The following LRP2 variants were observed in gnomAD, a reference collection of about 807,000 sequenced individuals.
LRP2 encodes LDL receptor related protein 2, also known as low-density lipoprotein receptor-related protein 2.
Under a neutral mutation model 531.0 loss-of-function variants are expected in LRP2, and 172 were observed. That is an observed-to-expected ratio of 0.32 (90% CI 0.29 to 0.37). LRP2 has a LOEUF of 0.37. Among genes scored for constraint, LRP2 ranks in the 10% least tolerant of loss-of-function variants. The pLI is 1.00. For missense variants in LRP2, 5,167 were observed against 5,868.3 expected (o/e 0.88, Z 3.90); for synonymous variants, 1,992 against 2,027.6 (o/e 0.98, Z 0.47).
chr2:169,215,313 T>C (rs1230908480), intron 35 of LRP2, among the ~76,000 whole-genome samples: 1 of 152,144 alleles, frequency 6.6e-6, no homozygotes, highest in Non-Finnish European at 1.5e-5. Flanking sequence ...GACTAGCATA[T>C]ATTCAGTTCA....
Position 169,207,155 on chromosome 2 carries a change from C to T in LRP2, c.6565G>A (p.Val2189Met). Residue 2189 changes from valine to methionine, a missense_variant, in exon 39 of 79, where the codon GTG (valine) becomes ATG (methionine). By Grantham distance (21) the Val-to-Met change is conservative. Transcript: ENST00000649046. ...TYRRVLLKVT[V>M]DMPRHIVVDP... is the part of the protein sequence containing the mutation. Reference sequence around the variant, plus strand: ...ACAACAATATGCCTAGGCATGTCCACTGTGACTTTAAGAAGAACACGGCGG... The same window carrying T: ...ACAACAATATGCCTAGGCATGTCCATTGTGACTTTAAGAAGAACACGGCGG... 6 of 1,613,378 alleles carry T rather than the reference C, an allele frequency of 3.7e-6. No homozygotes were observed. Among genetic ancestry groups the T allele is most frequent in the Non-Finnish European group, 5.1e-6 (6 of 1,179,716 alleles).
At chr2:169,345,843 C>T (rs1685683105) in intron 1 of LRP2, among the ~76,000 whole-genome samples, 2 of 150,692 alleles carry the variant, frequency 1.3e-5, no homozygotes, top group South Asian at 2.1e-4. Context: ...GTTAGCAGAA[C>T]CACTGCTTCT....
intron 1 of LRP2, among the ~76,000 whole-genome samples, chr2:169,353,431 C>T (rs1685906250): frequency 6.6e-6 from 1 of 152,126 alleles, no homozygotes; most frequent in Non-Finnish European, 1.5e-5. Flanking sequence ...TGCACCTCGC[C>T]TGAACCCCAC....
intron 20 of LRP2, 45 bp downstream of exon 20, chr2:169,247,333 T>C (rs1220615858): frequency 1.9e-6 from 3 of 1,606,348 alleles, no homozygotes; most frequent in East Asian, 2.2e-5. Context: ...AACAAATAAA[T>C]AAACCCATAC....
At chr2:169,214,920 G>T (rs1688723539) in intron 35 of LRP2, among the ~76,000 whole-genome samples, 1 of 152,212 alleles carries the variant, frequency 6.6e-6, no homozygotes, top group African/African-American at 2.4e-5. Context: ...GCTGAGGATG[G>T]ATTGCAGCAT....
rs547291007 is a variant in LRP2, at chr2:169,243,207, T to C, written c.3551-135A>G. ...AACATGCAGGTTTGTTACATAGGTA[T>C]ACACGTGCCATGGTGGTTTGCTGCA... On this transcript the variant is annotated intron_variant, in intron 23 of 78. Coordinates refer to ENST00000649046, the MANE Select transcript of LRP2 (RefSeq NM_004525.3). 46 of 883,386 alleles carry C rather than the reference T, an allele frequency of 5.2e-5. No homozygotes were observed. In the South Asian group the frequency reaches 6.2e-4, roughly 12 times the overall value. The allele number at this position is 883,386 out of a possible 1,614,324, so 54.7% of individuals were successfully genotyped here. A position where few individuals can be genotyped will look rare whatever the true frequency, so the allele number is the denominator to read the frequency against.
intron 31 of LRP2, among the ~76,000 whole-genome samples, chr2:169,227,287 A>G (rs1689235535): frequency 6.6e-6 from 1 of 152,228 alleles, no homozygotes; most frequent in African/African-American, 2.4e-5. Context: ...GGATGACCAT[A>G]TGACTGCATT....
intron 15 of LRP2, chr2:169,271,882 A>C (rs71430665): frequency 0.014 from 2,159 of 155,676 alleles, 28 homozygotes; most frequent in Non-Finnish European, 0.016. Flanking sequence ...AGGTAAGAAG[A>C]AGTGATGTTT....
At chr2:169,324,760 C>T (rs1458497402) in intron 1 of LRP2, among the ~76,000 whole-genome samples, 1 of 152,014 alleles carries the variant, frequency 6.6e-6, no homozygotes, top group Non-Finnish European at 1.5e-5. Flanking sequence ...GAAGAGGAGT[C>T]ATTTGCCTGT....
At chr2:169,275,496 T>C in intron 13 of LRP2, 1 of 477,166 alleles carries the variant, frequency 2.1e-6, no homozygotes, top group Non-Finnish European at 3.8e-6. Flanking sequence ...GTCCTAGACT[T>C]TTTTGGAATT....
At chr2:169,352,820 G>C (rs202004771) in intron 1 of LRP2, among the ~76,000 whole-genome samples, 2,451 of 151,678 alleles carry the variant, frequency 0.016, 32 homozygotes, top group South Asian at 0.024. Context: ...ATGGTCACAG[G>C]GGGGGGAACA....
chr2:169,162,328 C>T (rs761880725), intron 63 of LRP2, 144 bp downstream of exon 63: 4 of 879,200 alleles, frequency 4.5e-6, no homozygotes, highest in Admixed American at 1.8e-5. Context: ...CACTCAGTCA[C>T]AGCTAGCTAT....
rs1223989738 is a variant in LRP2, at chr2:169,216,423, A to G, written c.5656T>C (p.Tyr1886His). 6.2e-7 allele frequency: 1 copy of G among 1,613,444 alleles called. No homozygotes were observed. The part of the protein sequence containing the change: ...ITVDPARGKL[Y>H]WSDQGTDSGV... ...CTGTCAGTTCCTTGGTCTGACCAGT[A>G]CAGCTTCCTACAACCATGAAAAACA... is the stretch of plus-strand genomic sequence containing the variant. Residue 1886 changes from tyrosine (Y) to histidine (H), a missense_variant, in exon 35 of 79, where the codon TAC becomes CAC. This residue lies in a region of LRP2 where 2,811 missense variants were observed against 3,058.0 expected (regional missense o/e 0.92). Coordinates refer to ENST00000649046, the MANE Select transcript of LRP2 (RefSeq NM_004525.3).
At chr2:169,279,997 T>C (rs1053150620) in intron 11 of LRP2, among the ~76,000 whole-genome samples, 1 of 152,244 alleles carries the variant, frequency 6.6e-6, no homozygotes, top group Non-Finnish European at 1.5e-5. Context: ...CTGATTTTTA[T>C]CATCCAGAAA....
chr2:169,140,603 A>C, intron 71 of LRP2, 58 bp from the exon 72 acceptor site: 1 of 1,330,428 alleles, frequency 7.5e-7, no homozygotes, highest in Non-Finnish European at 1.1e-6. Context: ...GAGTGCCCAC[A>C]CCATGCAAAC....
At chr2:169,142,550 T>C in intron 71 of LRP2, 124 bp downstream of exon 71, 1 of 1,389,862 alleles carries the variant, frequency 7.2e-7, no homozygotes, top group Admixed American at 1.7e-5. Context: ...CCACATCCCT[T>C]AACCCTCCTT....
chr2:169,183,754 T>C (rs756432280), intron 50 of LRP2, among the ~76,000 whole-genome samples: 2 of 152,222 alleles, frequency 1.3e-5, no homozygotes, highest in African/African-American at 2.4e-5. Context: ...TATCTTCCAA[T>C]GTGCGTAATG....
chr2:169,230,338 T>A (rs986886037), intron 31 of LRP2, among the ~76,000 whole-genome samples: 2 of 152,370 alleles, frequency 1.3e-5, no homozygotes, highest in Admixed American at 1.3e-4. Context: ...CAAGTGCCAG[T>A]CCCTCTGTGA....
At chr2:169,170,932 T>TG (rs2105276740) in intron 58 of LRP2, among the ~76,000 whole-genome samples, 1 of 147,234 alleles carries the variant, frequency 6.8e-6, no homozygotes, top group African/African-American at 2.5e-5. Flanking sequence ...TTTTTTTTTT[T>TG]TTTTTTTTTT....
Sources: allele counts gnomAD v4.1 joint callset (sites outside exome capture counted in the v4.1 genomes callset), GRCh38; gene constraint gnomAD v4.1.1; regional missense constraint gnomAD v4.1.1; transcripts MANE v1.5; gene names NCBI Gene and HGNC (gene_info 2026-07-23, HGNC 2026-07-21).